The following KIAA1217 variants were observed in gnomAD, a reference collection of about 807,000 sequenced individuals.
KIAA1217 encodes the protein sickle tail protein homolog.
A neutral mutation model predicts 163.9 loss-of-function variants in KIAA1217; 88 were observed. The ratio of observed to expected loss-of-function variants is 0.54; its 90% CI spans 0.45 to 0.64. KIAA1217 has a LOEUF of 0.64. Among genes scored for constraint, KIAA1217 ranks in the 30% least tolerant of loss-of-function variants. The pLI, the probability that KIAA1217 is intolerant of heterozygous loss-of-function variation, is 0.00. For synonymous variants in KIAA1217, 903 were observed against 923.1 expected, an observed-to-expected ratio of 0.98 and a Z score of 0.39; for missense variants, 2,372 against 2,475.0, an observed-to-expected ratio of 0.96 and a Z score of 0.88.
At chr10:23,704,172 G>GTGTGTGTGTGTGTATATATA (rs1229370789) in intron 1 of KIAA1217, among the ~76,000 whole-genome samples, 3 of 39,924 alleles carry the variant, frequency 7.5e-5, no homozygotes, top group African/African-American at 2.7e-4. Context: ...GTGTGTGTGT[G>GTGTGTGTGTGTGTATATATA]TATATATATA....
chr10:24,215,647 C>T (rs2068716734), intron 1 of KIAA1217, among the ~76,000 whole-genome samples: 1 of 152,202 alleles, frequency 6.6e-6, no homozygotes, highest in African/African-American at 2.4e-5. Flanking sequence ...AGACCACATT[C>T]TCCTTAAATG....
At chr10:23,873,233 A>G (rs1212240242) in intron 1 of KIAA1217, among the ~76,000 whole-genome samples, 1 of 152,068 alleles carries the variant, frequency 6.6e-6, no homozygotes, top group Admixed American at 6.6e-5. Flanking sequence ...AAATAAGAAC[A>G]TTGCTATTCA....
intron 2 of KIAA1217, among the ~76,000 whole-genome samples, chr10:24,250,454 A>G (rs763862989): frequency 1.3e-5 from 2 of 151,334 alleles, no homozygotes; most frequent in Non-Finnish European, 2.9e-5. Flanking sequence ...TTTTTTTGAA[A>G]TGGGGTCTCT....
At chr10:24,222,977 G>T (rs539540946) in intron 2 of KIAA1217, among the ~76,000 whole-genome samples, 38 of 152,238 alleles carry the variant, frequency 2.5e-4, no homozygotes, top group African/African-American at 8.7e-4. Context: ...ATTTCCTGAC[G>T]TTGCCATGGC....
At chr10:24,411,766 CT>C (rs925233784) in intron 3 of KIAA1217, among the ~76,000 whole-genome samples, 10 of 149,796 alleles carry the variant, frequency 6.7e-5, no homozygotes, top group South Asian at 2.1e-4. Context: ...TCCAACATGA[CT>C]TTTTTTTTTC....
intron 1 of KIAA1217, among the ~76,000 whole-genome samples, chr10:23,774,988 C>A (rs1356516632): frequency 6.6e-6 from 1 of 152,152 alleles, no homozygotes; most frequent in African/African-American, 2.4e-5. Context: ...GAAGATGAAG[C>A]TGATGAGGTT....
chr10:23,864,715 GAACA>G (rs1398525975), intron 1 of KIAA1217, among the ~76,000 whole-genome samples: 6 of 152,160 alleles, frequency 3.9e-5, no homozygotes, highest in East Asian at 1.9e-4. Flanking sequence ...CAGAAAAACA[GAACA>G]AATAGACTGT....
chr10:23,820,191 G>A (rs947022145), intron 1 of KIAA1217, among the ~76,000 whole-genome samples: 1 of 152,138 alleles, frequency 6.6e-6, no homozygotes, highest in Non-Finnish European at 1.5e-5. Flanking sequence ...ATAAAATTCT[G>A]AGTAAATCCT....
chr10:23,983,859 T>G (rs907475767), intron 1 of KIAA1217, among the ~76,000 whole-genome samples: 2 of 152,218 alleles, frequency 1.3e-5, no homozygotes, highest in African/African-American at 2.4e-5. Flanking sequence ...TAGGTCCATA[T>G]GTTGCTCTTC....
At chr10:24,522,606 A>G (rs908660992) in intron 12 of KIAA1217, among the ~76,000 whole-genome samples, 2 of 152,224 alleles carry the variant, frequency 1.3e-5, no homozygotes, top group Non-Finnish European at 2.9e-5. Context: ...ACAGTGGAGT[A>G]AAGACCAAAA....
Position 24,437,155 on chromosome 10 carries a change from C to T in KIAA1217, c.753-1231C>T, listed in dbSNP as rs141240203. Among the ~76,000 whole-genome samples, 843 of 152,246 alleles carry T rather than the reference C, an allele frequency of 5.5e-3. 30 individuals carry two copies. The highest frequency in any genetic ancestry group is 0.013 in the East Asian group (67 of 5,180). ...GTGAGGTTTTCTAGTTTTTCACGTC[C>T]TCGCCTGTGACTCCTTCCTCTGGCC... On this transcript the variant is annotated intron_variant, in intron 4 of 20. Transcript: ENST00000376454.
chr10:23,856,935 A>G (rs959280777), intron 1 of KIAA1217, among the ~76,000 whole-genome samples: 3 of 152,210 alleles, frequency 2.0e-5, no homozygotes, highest in African/African-American at 7.2e-5. Flanking sequence ...TGACTAGGAA[A>G]GGGAACTCCC....
chr10:23,977,733 T>C (rs1732906412), intron 1 of KIAA1217, among the ~76,000 whole-genome samples: 1 of 152,228 alleles, frequency 6.6e-6, no homozygotes, highest in Admixed American at 6.5e-5. Flanking sequence ...AAGTTAATGT[T>C]ATTTTCTGTA....
At chr10:24,307,700 T>G (rs2042165192) in intron 2 of KIAA1217, among the ~76,000 whole-genome samples, 1 of 152,044 alleles carries the variant, frequency 6.6e-6, no homozygotes, top group Non-Finnish European at 1.5e-5. Context: ...GAGGATTGCT[T>G]GAGCGTAAGA....
intron 1 of KIAA1217, among the ~76,000 whole-genome samples, chr10:23,720,180 C>T (rs374785579): frequency 2.0e-5 from 3 of 151,570 alleles, no homozygotes; most frequent in African/African-American, 7.3e-5. Flanking sequence ...TTTTATGTTA[C>T]GTGGTTTCCA....
At chr10:23,727,005 T>TTTTTTA (rs1838193027) in intron 1 of KIAA1217, among the ~76,000 whole-genome samples, 1 of 132,756 alleles carries the variant, frequency 7.5e-6, no homozygotes, top group African/African-American at 3.3e-5. Flanking sequence ...TTTTTTTTTT[T>TTTTTTA]GAGACAGAGT....
At chr10:23,861,101 C>T (rs746824664) in intron 1 of KIAA1217, among the ~76,000 whole-genome samples, 40 of 151,764 alleles carry the variant, frequency 2.6e-4, no homozygotes, top group African/African-American at 7.5e-4. Flanking sequence ...TTTGTAGAGA[C>T]GGAGTTTCAC....
chr10:23,810,610 A>T (rs1411453462), intron 1 of KIAA1217, among the ~76,000 whole-genome samples: 55 of 130,150 alleles, frequency 4.2e-4, no homozygotes, highest in African/African-American at 1.5e-3. Context: ...TATAAATTAT[A>T]TAAATATATA....
chr10:24,501,729 C>CTTTTTTTTTTTT lies in KIAA1217; in HGVS notation c.2001+210_2001+221dup, dbSNP rs71397953. On this transcript the variant is annotated intron_variant, in intron 9 of 20. Transcript: ENST00000376454. ...AACTATAGTCAATCTATAACCACTT[C>CTTTTTTTTTTTT]TTTTTTTTTTTTTTTTTTTTTTTTT... Among the ~76,000 whole-genome samples, 8 of 51,506 alleles carry CTTTTTTTTTTTT rather than the reference C, an allele frequency of 1.6e-4. 2 individuals are homozygous for CTTTTTTTTTTTT. The highest frequency in any genetic ancestry group is 9.6e-4 in the South Asian group (1 of 1,038). 33.8% of individuals were successfully genotyped at this position (51,506 alleles called of 152,430 possible). A position where few individuals can be genotyped will look rare whatever the true frequency, so the allele number is the denominator to read the frequency against.
Sources: gnomAD v4.1 joint callset for allele counts (sites outside exome capture counted in the v4.1 genomes callset) on GRCh38, gnomAD v4.1.1 for gene constraint, MANE v1.5 for transcripts, NCBI Gene and HGNC (gene_info 2026-07-23, HGNC 2026-07-21) for gene names.